Variants in PPP6R2 observed in about 807,000 individuals in gnomAD.
PPP6R2 encodes the protein protein phosphatase 6 regulatory subunit 2.
In PPP6R2, 62 loss-of-function variants were observed where a neutral mutation model predicts 100.2. The ratio of observed to expected loss-of-function variants is 0.62; its 90% CI spans 0.50 to 0.76. PPP6R2 has a LOEUF of 0.76. Ranked by LOEUF, PPP6R2 falls within the 30% of genes least tolerant of loss-of-function variation. The pLI, the probability that PPP6R2 is intolerant of heterozygous loss-of-function variation, is 0.00. For missense variants in PPP6R2, 1,142 were observed against 1,276.3 expected, an observed-to-expected ratio of 0.89 and a Z score of 1.60; for synonymous variants, 525 against 514.7, an observed-to-expected ratio of 1.02 and a Z score of -0.27.
chr22:50,431,900 G>A lies in PPP6R2; in HGVS notation c.1336-365G>A, dbSNP rs897892038. 5.3e-5 allele frequency among the ~76,000 whole-genome samples: 8 copies of A among 152,270 alleles called. No homozygotes were observed. Among genetic ancestry groups the A allele is most frequent in the East Asian group, 3.9e-4 (2 of 5,182 alleles). ...GTGCTGAGGGCAGACAGCCCTAGTC[G>A]TTCTTCCGGACACAGAGAAAGAGGG... On this transcript the variant is annotated intron_variant, in intron 11 of 23. Coordinates refer to ENST00000612753, the MANE Select transcript of PPP6R2 (RefSeq NM_001242898.2). The surrounding 1 kb of genome is among the most constrained non-coding windows in gnomAD (Gnocchi z 4.8).
intron 3 of PPP6R2, among the ~76,000 whole-genome samples, chr22:50,396,494 C>CA (rs548563660): frequency 0.035 from 3,442 of 96,958 alleles, 53 homozygotes; most frequent in East Asian, 0.062. Flanking sequence ...GACTCCGTCT[C>CA]AAAAAAAAAA....
chr22:50,338,296 A>AGTGTGGTGTGTGTGTGGTGTGTG, the PPP6R2 span, among the ~76,000 whole-genome samples: 1 of 74,264 alleles, frequency 1.3e-5, no homozygotes, highest in African/African-American at 5.3e-5. Flanking sequence ...TGTGGTGTGT[A>AGTGTGGTGTGTGTGTGGTGTGTG]GTGTGTGGTG....
chr22:50,338,422 GGTGTGTGGTGTGTGTAGA>G (rs2042327764), upstream of PPP6R2, among the ~76,000 whole-genome samples: 2 of 129,624 alleles, frequency 1.5e-5, no homozygotes, highest in African/African-American at 6.2e-5. Context: ...GTGTGTGTAG[GGTGTGTGGTGTGTGTAGA>G]GTGTGTGGTG....
At chr22:50,333,815 G>T in the PPP6R2 span, among the ~76,000 whole-genome samples, 1 of 152,234 alleles carries the variant, frequency 6.6e-6, no homozygotes, top group South Asian at 2.1e-4. Flanking sequence ...ATGGAGACCG[G>T]TAGTGGCCCT....
chr22:50,363,353 G>A (rs575388690), intron 1 of PPP6R2, among the ~76,000 whole-genome samples: 1 of 152,302 alleles, frequency 6.6e-6, no homozygotes, highest in African/African-American at 2.4e-5. Flanking sequence ...TCGGGTGACT[G>A]GGCACTTCTC....
the PPP6R2 span, among the ~76,000 whole-genome samples, chr22:50,335,434 A>G: frequency 7.8e-3 from 1,184 of 151,760 alleles, 15 homozygotes; most frequent in African/African-American, 0.027. Context: ...TGACCTTGTG[A>G]TCTGCCCGCC....
At chr22:50,430,220 G>A (rs1161036309) in intron 10 of PPP6R2, among the ~76,000 whole-genome samples, 1 of 152,246 alleles carries the variant, frequency 6.6e-6, no homozygotes, top group African/African-American at 2.4e-5. Context: ...CCCCAGGGGA[G>A]TATCTAGGTG....
chr22:50,337,222 ATGTGTGTGGTGTATTGGTGTG>A, the PPP6R2 span, among the ~76,000 whole-genome samples: 1 of 91,472 alleles, frequency 1.1e-5, no homozygotes, highest in Non-Finnish European at 2.1e-5. Context: ...TGTGTGGGGT[ATGTGTGTGGTGTATTGGTGTG>A]TGTGTGTGGT....
At position 50,343,484 on chromosome 22, in the gene PPP6R2, C is replaced by G. The variant is rs2042653309; in HGVS notation, c.-214C>G. 1 of 151,672 alleles carries G rather than the reference C, an allele frequency of 6.6e-6. No individual in the cohort carries two copies. The highest frequency in any genetic ancestry group is 2.4e-5 in the African/African-American group (1 of 41,332). 9.4% of individuals were successfully genotyped at this position (151,672 alleles called of 1,614,324 possible). On this transcript the variant is annotated 5_prime_UTR_variant, in exon 1 of 24. Transcript: ENST00000612753. ...CCCGGGCTTTGCCTCCACCAGCGCC[C>G]TGGCCTCCGCTCGGGCCTCCACACG...
At chr22:50,438,921 G>T (rs1197707597) in intron 19 of PPP6R2, among the ~76,000 whole-genome samples, 159 bp downstream of exon 19, 1 of 152,200 alleles carries the variant, frequency 6.6e-6, no homozygotes, top group East Asian at 1.9e-4. Flanking sequence ...TCCTGAGTAG[G>T]GGTCTGTGCT....
intron 2 of PPP6R2, among the ~76,000 whole-genome samples, chr22:50,390,680 C>T (rs1038209152): frequency 2.0e-5 from 3 of 151,408 alleles, no homozygotes; most frequent in Non-Finnish European, 4.4e-5. Flanking sequence ...GAAGACATAA[C>T]AATCCTAAAT....
the PPP6R2 span, among the ~76,000 whole-genome samples, chr22:50,334,151 A>C: frequency 6.6e-6 from 1 of 152,278 alleles, no homozygotes; most frequent in Admixed American, 6.5e-5. Context: ...AGAGACGTTT[A>C]GGCCTCCGGA....
At chr22:50,384,412 G>A (rs7286685) in intron 2 of PPP6R2, among the ~76,000 whole-genome samples, 12,956 of 152,080 alleles carry the variant, frequency 0.085, 1,028 homozygotes, top group African/African-American at 0.21. Context: ...AAAATTAGCC[G>A]GGCGTCGTGG....
At position 50,423,685 on chromosome 22, in the gene PPP6R2, G is replaced by A; in HGVS notation, c.1125+71G>A. The A allele has an allele frequency of 6.4e-7, 1 of 1,562,994 alleles. No individual in the cohort carries two copies. The highest frequency in any genetic ancestry group is 8.7e-7 in the Non-Finnish European group (1 of 1,143,710). On this transcript the variant is annotated intron_variant, in intron 10 of 23. Coordinates refer to ENST00000612753, the MANE Select transcript of PPP6R2 (RefSeq NM_001242898.2). The surrounding 1 kb of genome is among the most constrained non-coding windows in gnomAD (Gnocchi z 4.8). ...GGCATGGCCTGTGGACTTGTCAGGAGCAGCAGAGCAGGGCCCCAGCATTTG... is the reference window on the plus strand; with the variant it reads ...GGCATGGCCTGTGGACTTGTCAGGAACAGCAGAGCAGGGCCCCAGCATTTG...
In PPP6R2 at chr22:50,418,548, G is replaced by A. The variant is rs942942579; in HGVS notation, c.619-319G>A. Among the ~76,000 whole-genome samples, 8 of 151,994 alleles carry A rather than the reference G, an allele frequency of 5.3e-5. No individual in the cohort carries two copies. The East Asian group carries it at 1.4e-3, about 26-fold the overall frequency. The stretch of plus-strand genomic sequence containing the variant: ...ACTACAGGCACCCGCCACCACGCCC[G>A]GCTAATTTTTTGTATTTTTAGTAGA... On this transcript the variant is annotated intron_variant, in intron 6 of 23. Transcript: ENST00000612753.
At chr22:50,418,783 A>G (rs1372002517) in intron 6 of PPP6R2, 84 bp from the exon 7 acceptor site, 1 of 996,204 alleles carries the variant, frequency 1.0e-6, no homozygotes, top group Non-Finnish European at 1.6e-6. Context: ...AAGCAGCAGG[A>G]CTTGTGCCCT....
intron 3 of PPP6R2, among the ~76,000 whole-genome samples, chr22:50,399,906 G>A (rs761011380): frequency 3.3e-5 from 5 of 152,248 alleles, no homozygotes; most frequent in African/African-American, 9.6e-5. Flanking sequence ...AGAGCCTGGG[G>A]ATGCTCCTGG....
intron 1 of PPP6R2, among the ~76,000 whole-genome samples, chr22:50,359,929 A>G (rs2047433085): frequency 6.6e-6 from 1 of 152,092 alleles, no homozygotes; most frequent in South Asian, 2.1e-4. Flanking sequence ...TAATGTGGGT[A>G]TGATAAGGAC....
chr22:50,351,157 C>T (rs2148074561), intron 1 of PPP6R2, among the ~76,000 whole-genome samples: 1 of 143,044 alleles, frequency 7.0e-6, no homozygotes, highest in Admixed American at 7.2e-5. Context: ...TCTCCTGCCT[C>T]AGCCTCCCTA....
Sources: allele counts gnomAD v4.1 joint callset (sites outside exome capture counted in the v4.1 genomes callset), GRCh38; gene constraint gnomAD v4.1.1; non-coding constraint Gnocchi (gnomAD v3.1); transcripts MANE v1.5; gene names NCBI Gene and HGNC (gene_info 2026-07-23, HGNC 2026-07-21).